The following ADAMTS6 variants were observed in gnomAD, a reference collection of about 807,000 sequenced individuals.
ADAMTS6 encodes ADAM metallopeptidase with thrombospondin type 1 motif 6.
A neutral mutation model predicts 144.3 loss-of-function variants in ADAMTS6; 23 were observed. The ratio of observed to expected loss-of-function variants is 0.16; its 90% CI spans 0.11 to 0.23. The LOEUF (loss-of-function observed/expected upper bound fraction) is 0.23. ADAMTS6 is among the 10% of genes least tolerant of loss of function. The pLI is 1.00. For missense variants in ADAMTS6, 999 were observed against 1,379.6 expected, an observed-to-expected ratio of 0.72 and a Z score of 4.37; for synonymous variants, 444 against 457.5, an observed-to-expected ratio of 0.97 and a Z score of 0.38.
chr5:65,181,056 C>A (rs1427830513), intron 22 of ADAMTS6, among the ~76,000 whole-genome samples: 1 of 152,170 alleles, frequency 6.6e-6, no homozygotes, highest in African/African-American at 2.4e-5. Flanking sequence ...AATGAGAAAA[C>A]AAACTTAGAG....
At chr5:65,291,760 T>C (rs1024318991) in intron 10 of ADAMTS6, among the ~76,000 whole-genome samples, 3 of 152,138 alleles carry the variant, frequency 2.0e-5, no homozygotes, top group Non-Finnish European at 4.4e-5. Flanking sequence ...AAACAGAATT[T>C]CATATTGCTC....
intron 18 of ADAMTS6, among the ~76,000 whole-genome samples, chr5:65,216,782 T>TGC (rs371998891): frequency 6.7e-6 from 1 of 148,524 alleles, no homozygotes; most frequent in African/African-American, 2.5e-5. Flanking sequence ...TTACAAGAAA[T>TGC]ACACACACAC....
intron 21 of ADAMTS6, among the ~76,000 whole-genome samples, chr5:65,196,351 T>C (rs1246639269): frequency 6.6e-6 from 1 of 151,522 alleles, no homozygotes; most frequent in Non-Finnish European, 1.5e-5. Context: ...TGAAACCCCG[T>C]CTCTACTAAA....
intron 3 of ADAMTS6, among the ~76,000 whole-genome samples, chr5:65,467,039 CAAA>C (rs35854972): frequency 9.2e-6 from 1 of 109,212 alleles, no homozygotes; most frequent in Non-Finnish European, 2.0e-5. Flanking sequence ...GACTCCGTCT[CAAA>C]AAAAAAAAAA....
chr5:65,160,392 C>T (rs1300272074), intron 24 of ADAMTS6, among the ~76,000 whole-genome samples: 4 of 150,886 alleles, frequency 2.7e-5, no homozygotes, highest in African/African-American at 7.3e-5. Context: ...CTGCAAGCTC[C>T]GCCTCCCGGG....
intron 7 of ADAMTS6, among the ~76,000 whole-genome samples, chr5:65,382,105 A>G (rs1272414956): frequency 6.6e-6 from 1 of 152,200 alleles, no homozygotes; most frequent in Non-Finnish European, 1.5e-5. Flanking sequence ...TTTGAGGTTA[A>G]CTCTTTGGAA....
At chr5:65,180,055 A>G (rs1357061829) in intron 22 of ADAMTS6, among the ~76,000 whole-genome samples, 2 of 152,138 alleles carry the variant, frequency 1.3e-5, no homozygotes, top group African/African-American at 4.8e-5. Context: ...TGGAAAGGTG[A>G]CAATTTTGAT....
At chr5:65,432,186 G>C (rs1305603232) in intron 7 of ADAMTS6, among the ~76,000 whole-genome samples, 1 of 151,846 alleles carries the variant, frequency 6.6e-6, no homozygotes, top group Admixed American at 6.6e-5. Context: ...TGATTTAGTA[G>C]ATATCATCTC....
intron 18 of ADAMTS6, among the ~76,000 whole-genome samples, chr5:65,220,807 A>T (rs1484645037): frequency 6.6e-6 from 1 of 152,182 alleles, no homozygotes; most frequent in Admixed American, 6.5e-5. Flanking sequence ...AGAGAAAATC[A>T]TTTAAACTGT....
At chr5:65,327,159 T>C (rs1746249661) in intron 9 of ADAMTS6, among the ~76,000 whole-genome samples, 1 of 152,174 alleles carries the variant, frequency 6.6e-6, no homozygotes, top group African/African-American at 2.4e-5. Context: ...CTCCCTCTCT[T>C]GCCATGTGGT....
At chr5:65,292,467 T>C (rs1390776169) in intron 10 of ADAMTS6, among the ~76,000 whole-genome samples, 2 of 151,982 alleles carry the variant, frequency 1.3e-5, no homozygotes, top group African/African-American at 4.8e-5. Context: ...CCTCAACTGT[T>C]ATTTAGGACA....
At chr5:65,316,305 C>A (rs980191679) in intron 9 of ADAMTS6, among the ~76,000 whole-genome samples, 1 of 152,222 alleles carries the variant, frequency 6.6e-6, no homozygotes, top group South Asian at 2.1e-4. Context: ...ACCTGAACAG[C>A]ACCATCAATT....
At chr5:65,187,827 T>C (rs887238911) in intron 22 of ADAMTS6, among the ~76,000 whole-genome samples, 189 bp downstream of exon 22, 8 of 152,238 alleles carry the variant, frequency 5.3e-5, no homozygotes, top group African/African-American at 1.9e-4. Context: ...AGTTTCTCGC[T>C]GATTTCCCTT....
At chr5:65,421,883 T>TC (rs1354211148) in intron 7 of ADAMTS6, among the ~76,000 whole-genome samples, 1 of 152,182 alleles carries the variant, frequency 6.6e-6, no homozygotes, top group Admixed American at 6.5e-5. Flanking sequence ...GGAAAAACTC[T>TC]TATGAAAATT....
chr5:65,418,352 C>G (rs1755718893), intron 7 of ADAMTS6, among the ~76,000 whole-genome samples: 1 of 152,052 alleles, frequency 6.6e-6, no homozygotes, highest in Non-Finnish European at 1.5e-5. Context: ...GCAACAAAAA[C>G]AAAAATTGTC....
At chr5:65,358,314 C>G (rs761783861) in intron 7 of ADAMTS6, among the ~76,000 whole-genome samples, 1 of 151,756 alleles carries the variant, frequency 6.6e-6, no homozygotes, top group South Asian at 2.1e-4. Context: ...AAGAAATGTA[C>G]CTAAACACAA....
intron 7 of ADAMTS6, among the ~76,000 whole-genome samples, chr5:65,379,205 G>C (rs1751820355): frequency 6.6e-6 from 1 of 152,114 alleles, no homozygotes; most frequent in Non-Finnish European, 1.5e-5. Context: ...AATTTGTAAA[G>C]GGCAAAGAGG....
chr5:65,389,630 C>T, intron 7 of ADAMTS6, among the ~76,000 whole-genome samples: 1 of 148,894 alleles, frequency 6.7e-6, no homozygotes, highest in South Asian at 2.1e-4. Flanking sequence ...TAGTACCTAG[C>T]CAAAGCCAGC....
intron 9 of ADAMTS6, among the ~76,000 whole-genome samples, chr5:65,307,637 G>C (rs1744060538): frequency 1.3e-5 from 2 of 152,164 alleles, no homozygotes; most frequent in South Asian, 4.1e-4. Flanking sequence ...TGGGATCAGG[G>C]ACCAATTTCA....
Sources: allele counts gnomAD v4.1 joint callset (sites outside exome capture counted in the v4.1 genomes callset), GRCh38; gene constraint gnomAD v4.1.1; transcripts MANE v1.5; gene names NCBI Gene and HGNC (gene_info 2026-07-23, HGNC 2026-07-21).